The following POF1B variants were observed in gnomAD, a reference collection of about 807,000 sequenced individuals.
POF1B encodes the protein POF1B actin binding protein.
Under a neutral mutation model 55.3 loss-of-function variants are expected in POF1B, and 53 were observed. That is an observed-to-expected ratio of 0.96 (90% CI 0.77 to 1.20). The LOEUF (loss-of-function observed/expected upper bound fraction) is 1.20, where lower values mean the gene tolerates loss of function less well. Ranked by LOEUF, POF1B falls within the 50% of genes most tolerant of loss-of-function variation. The probability of loss-of-function intolerance (pLI) is 0.00; values close to 1 mark genes in which losing one functional copy is unlikely to be tolerated. For synonymous variants in POF1B, 188 were observed against 148.3 expected, an observed-to-expected ratio of 1.27 and a Z score of -1.95; for missense variants, 478 against 420.5, an observed-to-expected ratio of 1.14 and a Z score of -1.20.
chrX:85,351,501 A>G, intron 4 of POF1B, 50 bp from the exon 5 acceptor site: 1 of 972,789 alleles, frequency 1.0e-6, no homozygotes, highest in Non-Finnish European at 1.4e-6. Context: ...GTCTTTTCAG[A>G]GTAACCTTAA....
chrX:85,320,320 A>G (rs1216147345), intron 7 of POF1B, among the ~76,000 whole-genome samples: 2 of 111,044 alleles, frequency 1.8e-5, no homozygotes, highest in African/African-American at 6.5e-5. Flanking sequence ...TGGAAACTGA[A>G]CAACCTGCTC....
chrX:85,328,406 A>G (rs187871672), intron 7 of POF1B, among the ~76,000 whole-genome samples: 1 of 109,794 alleles, frequency 9.1e-6, no homozygotes, highest in East Asian at 2.9e-4. Context: ...GGGTTTCACC[A>G]TGTTAGCCAG....
At chrX:85,299,859 A>G (rs1262852577) in intron 15 of POF1B, among the ~76,000 whole-genome samples, 3 of 112,390 alleles carry the variant, frequency 2.7e-5, no homozygotes, top group African/African-American at 9.7e-5. Flanking sequence ...TAGAAGACAA[A>G]ACAAGGTTAG....
intron 9 of POF1B, among the ~76,000 whole-genome samples, chrX:85,313,624 G>C (rs1932755832): frequency 9.0e-6 from 1 of 111,126 alleles, no homozygotes; most frequent in Non-Finnish European, 1.9e-5. Context: ...AGGGATATTG[G>C]CCTGAAATTT....
intron 15 of POF1B, among the ~76,000 whole-genome samples, chrX:85,290,220 T>C (rs1290069622): frequency 1.8e-5 from 2 of 111,656 alleles, no homozygotes; most frequent in Admixed American, 1.9e-4. Flanking sequence ...TATCTGGTTT[T>C]CTGCTTCTGT....
intron 2 of POF1B, among the ~76,000 whole-genome samples, chrX:85,373,300 G>C (rs1047807063): frequency 5.4e-5 from 6 of 111,792 alleles, no homozygotes; most frequent in South Asian, 3.7e-4. Flanking sequence ...AAATAGGCAA[G>C]TTATTTTGAG....
chrX:85,379,541 G>A, intron 1 of POF1B, 46 bp from the exon 2 acceptor site: 2 of 1,021,712 alleles, frequency 2.0e-6, no homozygotes, highest in Non-Finnish European at 2.6e-6. Flanking sequence ...AGACAGGCAA[G>A]CAGGCAGTCA....
At chrX:85,290,451 T>C (rs1275159638) in intron 15 of POF1B, among the ~76,000 whole-genome samples, 1 of 111,537 alleles carries the variant, frequency 9.0e-6, no homozygotes, top group Non-Finnish European at 1.9e-5. Context: ...GAATGCTTTT[T>C]TTTACTTTGG....
intron 7 of POF1B, among the ~76,000 whole-genome samples, chrX:85,321,884 A>C (rs905399170): frequency 9.1e-6 from 1 of 109,689 alleles, no homozygotes; most frequent in Non-Finnish European, 1.9e-5. Flanking sequence ...TCCAACTTAC[A>C]AGGGATGTGA....
intron 4 of POF1B, among the ~76,000 whole-genome samples, chrX:85,355,844 C>G: frequency 9.0e-6 from 1 of 111,530 alleles, no homozygotes; most frequent in East Asian, 2.9e-4. Context: ...AATAGGAACA[C>G]GTTTACACTG....
At chrX:85,322,126 G>T (rs987177202) in intron 7 of POF1B, among the ~76,000 whole-genome samples, 2 of 111,022 alleles carry the variant, frequency 1.8e-5, no homozygotes, top group East Asian at 5.7e-4. Context: ...AAAAGAGCCC[G>T]CATCGCCAAG....
At chrX:85,336,050 T>C (rs1277368750) in intron 6 of POF1B, among the ~76,000 whole-genome samples, 1 of 110,431 alleles carries the variant, frequency 9.1e-6, no homozygotes, top group Non-Finnish European at 1.9e-5. Context: ...ACTCTCTATC[T>C]CCATGAGTTC....
chrX:85,345,742 C>A (rs943126797), intron 6 of POF1B, 118 bp downstream of exon 6: 4 of 640,102 alleles, frequency 6.2e-6, no homozygotes, highest in South Asian at 4.9e-5. Context: ...GCACAAATAC[C>A]AGTGATATAA....
At chrX:85,333,810 C>T (rs1356244659) in intron 6 of POF1B, among the ~76,000 whole-genome samples, 1 of 110,693 alleles carries the variant, frequency 9.0e-6, no homozygotes, top group East Asian at 2.8e-4. Flanking sequence ...TGATTGACTC[C>T]TCTCAGGAAA....
chrX:85,362,501 C>A (rs1410757427), intron 3 of POF1B, among the ~76,000 whole-genome samples: 1 of 111,782 alleles, frequency 8.9e-6, no homozygotes, highest in Non-Finnish European at 1.9e-5. Context: ...TTGAGATAAT[C>A]ATGTGGTTTT....
At chrX:85,308,285 T>G in intron 9 of POF1B, 69 bp from the exon 10 acceptor site, 4 of 712,220 alleles carry the variant, frequency 5.6e-6, no homozygotes, top group Non-Finnish European at 8.1e-6. Flanking sequence ...AGTGAAAGTT[T>G]TTTTTTTCCT....
intron 2 of POF1B, among the ~76,000 whole-genome samples, chrX:85,378,957 A>G (rs1006655028): frequency 2.7e-5 from 3 of 112,021 alleles, no homozygotes; most frequent in African/African-American, 9.8e-5. Flanking sequence ...CTATGGTTAG[A>G]TTATGAAAAT....
At chrX:85,339,919 A>T (rs757036204) in intron 6 of POF1B, among the ~76,000 whole-genome samples, 34 of 111,281 alleles carry the variant, frequency 3.1e-4, no homozygotes, top group Non-Finnish European at 3.0e-4. Flanking sequence ...GTAAAGTAGC[A>T]TTGGGATAAC....
At chrX:85,305,407 A>G (rs1263331392) in intron 13 of POF1B, among the ~76,000 whole-genome samples, 4 of 110,635 alleles carry the variant, frequency 3.6e-5, no homozygotes, top group African/African-American at 1.3e-4. Flanking sequence ...TCATCCCTCG[A>G]AATTAAGTGA....
Sources: gnomAD v4.1 joint callset for allele counts (sites outside exome capture counted in the v4.1 genomes callset) on GRCh38, gnomAD v4.1.1 for gene constraint, MANE v1.5 for transcripts, NCBI Gene and HGNC (gene_info 2026-07-23, HGNC 2026-07-21) for gene names.